OR2M3: variants seen among roughly 807,000 people sequenced by gnomAD.
OR2M3 encodes olfactory receptor 2M3.
In OR2M3, 1 loss-of-function variant was observed where a neutral mutation model predicts 4.3. The observed-to-expected ratio is 0.23, with a 90% CI of 0.08 to 1.11. The LOEUF (loss-of-function observed/expected upper bound fraction) is 1.11, where lower values mean the gene tolerates loss of function less well. OR2M3 is among the 50% of genes most tolerant of loss of function. The pLI, the probability that OR2M3 is intolerant of heterozygous loss-of-function variation, is 0.54. For synonymous variants in OR2M3, 151 were observed against 139.4 expected, an observed-to-expected ratio of 1.08 and a Z score of -0.59; for missense variants, 410 against 390.4, an observed-to-expected ratio of 1.05 and a Z score of -0.42.
At chr1:248,199,110 A>G (rs1666129015) in intron 1 of OR2M3, among the ~76,000 whole-genome samples, 1 of 152,118 alleles carries the variant, frequency 6.6e-6, no homozygotes, top group Non-Finnish European at 1.5e-5. Context: ...TCTTTTTACA[A>G]AACAATGAAG....
At position 248,203,233 on chromosome 1, in the gene OR2M3, C is replaced by T; in HGVS notation, c.166C>T (p.His56Tyr). Residue 56 changes from histidine to tyrosine, a missense_variant, in exon 2 of 2, where the codon CAC becomes TAC. Coordinates refer to ENST00000641626, the MANE Select transcript of OR2M3 (RefSeq NM_001004689.2). ...VLLIYLDTQL[H>Y]TPMYLLLSQL... Reference sequence around the variant, plus strand: ...CCTCATCTACCTGGACACCCAGCTCCACACCCCCATGTACCTCCTCCTCAG... The same window carrying T: ...CCTCATCTACCTGGACACCCAGCTCTACACCCCCATGTACCTCCTCCTCAG... The T allele has an allele frequency of 1.9e-6, 3 of 1,613,900 alleles. No homozygotes were observed. The highest frequency in any genetic ancestry group is 1.3e-5 in the African/African-American group (1 of 74,972).
chr1:248,205,358 C>T lies in OR2M3; in HGVS notation c.*1352C>T, dbSNP rs1012364616. On this transcript the variant is annotated 3_prime_UTR_variant, in exon 2 of 2. Coordinates refer to ENST00000641626, the MANE Select transcript of OR2M3 (RefSeq NM_001004689.2). ...AGTTTTTGGGTTCTTGCTCATGAAA[C>T]CCTTGCCTAAGCCAATGTCTACAAG... 2.0e-5 allele frequency: 3 copies of T among 151,978 alleles called. No homozygotes were observed. The highest frequency in any genetic ancestry group is 4.8e-5 in the African/African-American group (2 of 41,400). The allele number at this position is 151,978 out of a possible 1,614,324, so 9.4% of individuals were successfully genotyped here.
Position 248,203,294 on chromosome 1 carries a change from C to T in OR2M3, c.227C>T (p.Thr76Ile). The part of the protein sequence containing the change: ...LSLMDLMLIC[T>I]TVPKMAFNYL... The stretch of plus-strand genomic sequence containing the variant: ...CTCATGGACCTCATGCTCATCTGCA[C>T]CACCGTACCCAAGATGGCCTTCAAC... The change falls in exon 2 of 2, where the codon ACC becomes ATC. Residue 76 changes from threonine to isoleucine, a missense_variant. Physicochemically the swap from Thr to Ile is moderately conservative, Grantham distance 89. Transcript: ENST00000641626. 1 of 1,614,120 alleles carries T rather than the reference C, an allele frequency of 6.2e-7. No individual in the cohort carries two copies. The highest frequency in any genetic ancestry group is 8.5e-7 in the Non-Finnish European group (1 of 1,180,006).
rs367845502 is a variant in OR2M3, at chr1:248,203,932, A to G, written c.865A>G (p.Ile289Val). 3.7e-6 allele frequency: 6 copies of G among 1,613,614 alleles called. No homozygotes were observed. The highest frequency in any genetic ancestry group is 5.1e-6 in the Non-Finnish European group (6 of 1,179,884). ...TILTPMLNPL[I>V]YSLRNKEVTR... ...CCTCACTCCCATGTTGAATCCCCTC[A>G]TCTACAGCCTCCGCAACAAGGAGGT... Residue 289 changes from isoleucine (I) to valine (V), a missense_variant, in exon 2 of 2, where the codon ATC becomes GTC. Coordinates refer to ENST00000641626, the MANE Select transcript of OR2M3 (RefSeq NM_001004689.2).
In OR2M3 at chr1:248,212,721, A is replaced by G. The variant is rs1251019468; in HGVS notation, c.*8715A>G. The G allele has an allele frequency of 6.6e-6, 1 of 152,070 alleles. No individual in the cohort carries two copies. The highest frequency in any genetic ancestry group is 1.9e-4 in the East Asian group (1 of 5,200). 9.4% of individuals were successfully genotyped at this position (152,070 alleles called of 1,614,324 possible). ...GACACTATTTAAATTTATGCTGGCTATGAAAAACAGAAACCAGGCTCCTGT... is the reference window on the plus strand; with the variant it reads ...GACACTATTTAAATTTATGCTGGCTGTGAAAAACAGAAACCAGGCTCCTGT... On this transcript the variant is annotated 3_prime_UTR_variant, in exon 2 of 2. Transcript: ENST00000641626.
chr1:248,203,293 A>C lies in OR2M3; in HGVS notation c.226A>C (p.Thr76Pro), dbSNP rs141465976. The stretch of plus-strand genomic sequence containing the variant: ...CCTCATGGACCTCATGCTCATCTGC[A>C]CCACCGTACCCAAGATGGCCTTCAA... ...LSLMDLMLIC[T>P]TVPKMAFNYL... is the part of the protein sequence containing the mutation. The change falls in exon 2 of 2, where the codon ACC becomes CCC. Residue 76 changes from threonine to proline, a missense_variant. Transcript: ENST00000641626. The C allele has an allele frequency of 6.2e-7, 1 of 1,614,080 alleles. No homozygotes were observed. The highest frequency in any genetic ancestry group is 8.5e-7 in the Non-Finnish European group (1 of 1,180,010).
At chr1:248,202,277 G>T (rs1666166166) in intron 1 of OR2M3, among the ~76,000 whole-genome samples, 1 of 103,138 alleles carries the variant, frequency 9.7e-6, no homozygotes, top group African/African-American at 3.0e-5. Context: ...CCATCACACG[G>T]TAATCCCCAG....
At position 248,203,097 on chromosome 1, in the gene OR2M3, C is replaced by T. The variant is rs202111114; in HGVS notation, c.30C>T (p.Ser10=). The T allele has an allele frequency of 1.0e-4, 168 of 1,613,628 alleles. No individual in the cohort carries two copies. The highest frequency in any genetic ancestry group is 5.0e-4 in the Middle Eastern group (3 of 6,054). The change falls in exon 2 of 2, where the codon TCC becomes TCT. Residue 10 remains serine (S), a synonymous_variant. Coordinates refer to ENST00000641626, the MANE Select transcript of OR2M3 (RefSeq NM_001004689.2). Reference sequence around the variant, plus strand: ...CAAGGGAGAATTCGACCTTCAACTCCGACTTCATCCTCCTGGGAATCTTCA... The same window carrying T: ...CAAGGGAGAATTCGACCTTCAACTCTGACTTCATCCTCCTGGGAATCTTCA... The part of the protein sequence containing the change: MARENSTFN[S]DFILLGIFNH...
rs553874105 is a variant in OR2M3 at position 248,204,906 on chromosome 1, G to C, written c.*900G>C. On this transcript the variant is annotated 3_prime_UTR_variant, in exon 2 of 2. Coordinates refer to ENST00000641626, the MANE Select transcript of OR2M3 (RefSeq NM_001004689.2). The stretch of plus-strand genomic sequence containing the variant: ...GAACTAGTTTGCATTCCCACCAGCA[G>C]TGTAAAAGTTCCCTTTTGACCGCAT... 6 of 152,144 alleles carry C rather than the reference G, an allele frequency of 3.9e-5. No individual in the cohort carries two copies. The highest frequency in any genetic ancestry group is 3.9e-4 in the Admixed American group (6 of 15,272). The allele number at this position is 152,144 out of a possible 1,614,324, so 9.4% of individuals were successfully genotyped here. A position where few individuals can be genotyped will look rare whatever the true frequency, so the allele number is the denominator to read the frequency against.
rs982068173 is a variant in OR2M3 at position 248,210,170 on chromosome 1, A to G, written c.*6164A>G. On this transcript the variant is annotated 3_prime_UTR_variant, in exon 2 of 2. Coordinates refer to ENST00000641626, the MANE Select transcript of OR2M3 (RefSeq NM_001004689.2). ...AGCATCCACACAGCCCACAGTCCTA[A>G]AGGCCAGTCGTGCTCCCACCGTGCC... is the stretch of plus-strand genomic sequence containing the variant. 6.8e-6 allele frequency: 1 copy of G among 146,524 alleles called. No homozygotes were observed. Among genetic ancestry groups the G allele is most frequent in the African/African-American group, 2.5e-5 (1 of 39,532 alleles). 9.1% of individuals were successfully genotyped at this position (146,524 alleles called of 1,614,324 possible).
rs1342602996 is a variant in OR2M3, at chr1:248,209,461, T to TGGGATTCAA, written c.*5457_*5465dup. On this transcript the variant is annotated 3_prime_UTR_variant, in exon 2 of 2. Coordinates refer to ENST00000641626, the MANE Select transcript of OR2M3 (RefSeq NM_001004689.2). ...GGTAGACTATGTCAGAGGGAAGACC[T>TGGGATTCAA]GGGATTCAAGTTCTGCTGTTCAGTG... The TGGGATTCAA allele has an allele frequency of 1.3e-5, 2 of 152,126 alleles. No homozygotes were observed. The highest frequency in any genetic ancestry group is 3.9e-4 in the East Asian group (2 of 5,186). 9.4% of individuals were successfully genotyped at this position (152,126 alleles called of 1,614,324 possible). A position where few individuals can be genotyped will look rare whatever the true frequency, so the allele number is the denominator to read the frequency against.
rs138010167 is a variant in OR2M3, at chr1:248,203,771, G to A, written c.704G>A (p.Arg235His). 82 of 1,612,454 alleles carry A rather than the reference G, an allele frequency of 5.1e-5. 1 individual carries two copies. The highest frequency in any genetic ancestry group is 2.5e-4 in the African/African-American group (19 of 74,932). ...CACATGGGATCTGGAGAGGGTCGTC[G>A]CAAAGCTTTTACTACTTGTTCCTCT... is the stretch of plus-strand genomic sequence containing the variant. ...VIHMGSGEGRRKAFTTCSSHL... is the reference protein window; with the variant it reads ...VIHMGSGEGRHKAFTTCSSHL... Residue 235 changes from arginine to histidine, a missense_variant, in exon 2 of 2, where the codon CGC becomes CAC. Transcript: ENST00000641626.
In OR2M3 at chr1:248,208,875, G is replaced by A. The variant is rs372058167; in HGVS notation, c.*4869G>A. Reference sequence around the variant, plus strand: ...TCTTGAGTTTGGATGTTTAGATCCAGCAAGGCTGGTAGTAATTTTCCTCTA... The same window carrying A: ...TCTTGAGTTTGGATGTTTAGATCCAACAAGGCTGGTAGTAATTTTCCTCTA... On this transcript the variant is annotated 3_prime_UTR_variant, in exon 2 of 2. Coordinates refer to ENST00000641626, the MANE Select transcript of OR2M3 (RefSeq NM_001004689.2). 3.3e-5 allele frequency: 5 copies of A among 152,276 alleles called. No individual in the cohort carries two copies. The East Asian group carries it at 9.6e-4, about 29-fold the overall frequency. 9.4% of individuals were successfully genotyped at this position (152,276 alleles called of 1,614,324 possible). A position where few individuals can be genotyped will look rare whatever the true frequency, so the allele number is the denominator to read the frequency against.
Position 248,203,799 on chromosome 1 carries a change from C to A in OR2M3, c.732C>A (p.His244Gln). 6.2e-7 allele frequency: 1 copy of A among 1,613,054 alleles called. No individual in the cohort carries two copies. Among genetic ancestry groups the A allele is most frequent in the Non-Finnish European group, 8.5e-7 (1 of 1,179,808 alleles). ...AAGCTTTTACTACTTGTTCCTCTCA[C>A]CTCTTGGTGGTGGGAATGTACTATG... ...RRKAFTTCSS[H>Q]LLVVGMYYGA... Residue 244 changes from histidine (H) to glutamine (Q), a missense_variant, in exon 2 of 2, where the codon CAC becomes CAA. Transcript: ENST00000641626.
chr1:248,206,712 T>C lies in OR2M3; in HGVS notation c.*2706T>C, dbSNP rs577156683. The C allele has an allele frequency of 9.9e-5, 15 of 152,222 alleles. No individual in the cohort carries two copies. The highest frequency in any genetic ancestry group is 3.4e-4 in the African/African-American group (14 of 41,564). The allele number at this position is 152,222 out of a possible 1,614,324, so 9.4% of individuals were successfully genotyped here. ...TATGCTGTGGGATTCAGTTCTCTAG[T>C]ATTATGTTGAGGATTTTTGCATCTA... On this transcript the variant is annotated 3_prime_UTR_variant, in exon 2 of 2. Transcript: ENST00000641626.
Position 248,203,553 on chromosome 1 carries a change from A to C in OR2M3, c.486A>C (p.Ala162=). ...GSTDGIIDVV[A]TFSFSYCGSR... Reference sequence around the variant, plus strand: ...CGGATGGAATTATTGATGTTGTAGCAACATTTTCCTTCTCCTACTGTGGGT... The same window carrying C: ...CGGATGGAATTATTGATGTTGTAGCCACATTTTCCTTCTCCTACTGTGGGT... Residue 162 remains alanine (A), a synonymous_variant, in exon 2 of 2, where the codon GCA becomes GCC. Coordinates refer to ENST00000641626, the MANE Select transcript of OR2M3 (RefSeq NM_001004689.2). 1.9e-6 allele frequency: 3 copies of C among 1,613,702 alleles called. No individual in the cohort carries two copies. The highest frequency in any genetic ancestry group is 2.5e-6 in the Non-Finnish European group (3 of 1,179,780).
In OR2M3 at chr1:248,211,239, A is replaced by T. The variant is rs1459598941; in HGVS notation, c.*7233A>T. 6.6e-6 allele frequency: 1 copy of T among 152,146 alleles called. No individual in the cohort carries two copies. Among genetic ancestry groups the T allele is most frequent in the East Asian group, 1.9e-4 (1 of 5,182 alleles). 9.4% of individuals were successfully genotyped at this position (152,146 alleles called of 1,614,324 possible). Reference sequence around the variant, plus strand: ...ACTTCAACCCAGGTGACATCTTAACATTTGATCTCTAATTACTTCCATCAC... The same window carrying T: ...ACTTCAACCCAGGTGACATCTTAACTTTTGATCTCTAATTACTTCCATCAC... On this transcript the variant is annotated 3_prime_UTR_variant, in exon 2 of 2. Transcript: ENST00000641626.
rs1216333783 is a variant in OR2M3, at chr1:248,208,113, A to C, written c.*4107A>C. The C allele has an allele frequency of 2.0e-5, 3 of 151,880 alleles. No homozygotes were observed. Among genetic ancestry groups the C allele is most frequent in the African/African-American group, 7.3e-5 (3 of 41,332 alleles). 9.4% of individuals were successfully genotyped at this position (151,880 alleles called of 1,614,324 possible). On this transcript the variant is annotated 3_prime_UTR_variant, in exon 2 of 2. Transcript: ENST00000641626. ...CTTGCTTTAAAGTTTGTTTTTTTCT[A>C]ATATAAGAATATCTATTCCTGCTTG...
rs565684992 is a variant in OR2M3, at chr1:248,207,014, A to G, written c.*3008A>G. On this transcript the variant is annotated 3_prime_UTR_variant, in exon 2 of 2. Coordinates refer to ENST00000641626, the MANE Select transcript of OR2M3 (RefSeq NM_001004689.2). ...TGTTACTGGTCTGATCAGAGATTCT[A>G]TATCTTCCTTTTTTAATCCAGGAGG... The G allele has an allele frequency of 6.6e-6, 1 of 151,996 alleles. No homozygotes were observed. The highest frequency in any genetic ancestry group is 1.9e-4 in the East Asian group (1 of 5,170). The allele number at this position is 151,996 out of a possible 1,614,324, so 9.4% of individuals were successfully genotyped here. A position where few individuals can be genotyped will look rare whatever the true frequency, so the allele number is the denominator to read the frequency against.
Sources: gnomAD v4.1 joint callset for allele counts (sites outside exome capture counted in the v4.1 genomes callset) on GRCh38, gnomAD v4.1.1 for gene constraint, MANE v1.5 for transcripts, NCBI Gene and HGNC (gene_info 2026-07-23, HGNC 2026-07-21) for gene names.